Variants in AGTPBP1 observed in about 807,000 individuals in gnomAD.
AGTPBP1 encodes cytosolic carboxypeptidase 1.
In AGTPBP1, 70 loss-of-function variants were observed where a neutral mutation model predicts 143.9. The ratio of observed to expected loss-of-function variants is 0.49; its 90% CI spans 0.40 to 0.59. The LOEUF (loss-of-function observed/expected upper bound fraction) is 0.59, where lower values mean the gene tolerates loss of function less well. Ranked by LOEUF, AGTPBP1 falls within the 20% of genes least tolerant of loss-of-function variation. The pLI is 0.00. For synonymous variants in AGTPBP1, 463 were observed against 500.2 expected, an observed-to-expected ratio of 0.93 and a Z score of 0.99; for missense variants, 1,229 against 1,464.5, an observed-to-expected ratio of 0.84 and a Z score of 2.62.
the AGTPBP1 span, among the ~76,000 whole-genome samples, chr9:85,794,401 C>A: frequency 1.3e-5 from 2 of 152,102 alleles, no homozygotes; most frequent in African/African-American, 4.8e-5. Context: ...TGTGTCAATA[C>A]AATTTGTTGA....
chr9:85,570,326 G>A (rs1180657811), intron 25 of AGTPBP1, among the ~76,000 whole-genome samples: 2 of 152,170 alleles, frequency 1.3e-5, no homozygotes, highest in South Asian at 2.1e-4. Context: ...TTTGACCACG[G>A]TTAACTGAAA....
chr9:85,695,702 A>G (rs1359006834), intron 2 of AGTPBP1, among the ~76,000 whole-genome samples: 1 of 152,208 alleles, frequency 6.6e-6, no homozygotes, highest in African/African-American at 2.4e-5. Context: ...ATCTTGGGAG[A>G]AAATACATGC....
chr9:85,556,406 A>G (rs1009363987), intron 25 of AGTPBP1, among the ~76,000 whole-genome samples: 3 of 152,202 alleles, frequency 2.0e-5, no homozygotes, highest in African/African-American at 7.2e-5. Context: ...TTTTGAATTA[A>G]TCTCAAAGAA....
the AGTPBP1 span, among the ~76,000 whole-genome samples, chr9:85,778,034 A>C: frequency 6.6e-6 from 1 of 152,202 alleles, no homozygotes; most frequent in Non-Finnish European, 1.5e-5. Flanking sequence ...GATCATAGGG[A>C]ACTCCCCATG....
At chr9:85,691,145 G>A (rs1037673631) in intron 3 of AGTPBP1, among the ~76,000 whole-genome samples, 1 of 152,154 alleles carries the variant, frequency 6.6e-6, no homozygotes, top group African/African-American at 2.4e-5. Context: ...TTGTTCATTA[G>A]TTGCCTTAGT....
the AGTPBP1 span, among the ~76,000 whole-genome samples, chr9:85,791,876 TG>T: frequency 6.6e-6 from 1 of 151,562 alleles, no homozygotes; most frequent in Non-Finnish European, 1.5e-5. Context: ...ATAGAAATTG[TG>T]GAGCCATTCA....
chr9:85,557,298 G>T (rs1826412531), intron 25 of AGTPBP1, among the ~76,000 whole-genome samples: 1 of 152,110 alleles, frequency 6.6e-6, no homozygotes, highest in African/African-American at 2.4e-5. Flanking sequence ...GGATCCCGAG[G>T]TGCTCACATC....
intron 25 of AGTPBP1, among the ~76,000 whole-genome samples, chr9:85,559,101 TA>T (rs1157206323): frequency 1.3e-5 from 2 of 152,288 alleles, no homozygotes; most frequent in African/African-American, 4.8e-5. Flanking sequence ...ATAGATAAAA[TA>T]AAAATGACTT....
intron 25 of AGTPBP1, among the ~76,000 whole-genome samples, chr9:85,549,382 C>A (rs541765010): frequency 6.6e-6 from 1 of 152,080 alleles, no homozygotes; most frequent in Non-Finnish European, 1.5e-5. Context: ...CAGGGAAGCA[C>A]GCATCGTTCA....
intron 25 of AGTPBP1, among the ~76,000 whole-genome samples, chr9:85,569,928 G>A (rs920429645): frequency 2.0e-5 from 3 of 152,114 alleles, no homozygotes; most frequent in African/African-American, 7.2e-5. Flanking sequence ...CTGAACACTT[G>A]CTCCTCTGAT....
intron 13 of AGTPBP1, among the ~76,000 whole-genome samples, chr9:85,642,550 T>A (rs903660191): frequency 1.3e-5 from 2 of 151,816 alleles, no homozygotes; most frequent in African/African-American, 2.4e-5. Flanking sequence ...GCCAGGATGA[T>A]CTTGATCTCC....
At chr9:85,672,453 T>A (rs1433777894) in intron 7 of AGTPBP1, 97 bp downstream of exon 7, 1 of 1,353,964 alleles carries the variant, frequency 7.4e-7, no homozygotes, top group East Asian at 2.3e-5. Flanking sequence ...CTTTCCTTTT[T>A]CACAAATATC....
chr9:85,768,676 A>T, the AGTPBP1 span, among the ~76,000 whole-genome samples: 1 of 152,154 alleles, frequency 6.6e-6, no homozygotes, highest in Non-Finnish European at 1.5e-5. Context: ...TTATCAAACC[A>T]TCAAATTCCA....
rs752908959 is a variant in AGTPBP1, at chr9:85,669,513, A to T, written c.634T>A (p.Phe212Ile). ...VELMFKIIGPFSKKNSSLIKV... is the reference protein window; with the variant it reads ...VELMFKIIGPISKKNSSLIKV... The stretch of plus-strand genomic sequence containing the variant: ...ATAAGACTGGAATTCTTCTTACTAA[A>T]TGGTCCAATGATTTTAAACATCAGT... Residue 212 changes from phenylalanine (F) to isoleucine (I), a missense_variant, in exon 8 of 26, where the codon TTT (phenylalanine) becomes ATT (isoleucine). Phe to Ile is a conservative substitution (Grantham distance 21). This residue lies in a region of AGTPBP1 where 743 missense variants were observed against 812.2 expected (regional missense o/e 0.91). Transcript: ENST00000357081. 20 of 1,611,160 alleles carry T rather than the reference A, an allele frequency of 1.2e-5. No individual in the cohort carries two copies. The highest frequency in any genetic ancestry group is 1.6e-5 in the Non-Finnish European group (19 of 1,177,890).
At chr9:85,621,842 C>A (rs901323691) in intron 14 of AGTPBP1, among the ~76,000 whole-genome samples, 1 of 152,060 alleles carries the variant, frequency 6.6e-6, no homozygotes, top group African/African-American at 2.4e-5. Flanking sequence ...CCTGAGCATG[C>A]AAAATTCTCT....
At position 85,727,363 on chromosome 9, in the gene AGTPBP1, G is replaced by C. The variant is rs554437101; in HGVS notation, c.-34+14412C>G. On this transcript the variant is annotated intron_variant, in intron 1 of 25. Transcript: ENST00000357081. ...AGCAAACCCCACTTCACAACACAGT[G>C]TTTTCTTCACAGAGAGATGCTGGTG... 2.6e-5 allele frequency among the ~76,000 whole-genome samples: 4 copies of C among 152,166 alleles called. No homozygotes were observed. In the South Asian group the frequency reaches 8.3e-4, roughly 32 times the overall value.
chr9:85,749,863 A>C, the AGTPBP1 span, among the ~76,000 whole-genome samples: 34 of 148,514 alleles, frequency 2.3e-4, no homozygotes, highest in African/African-American at 6.6e-4. Context: ...TGGAAGAGGG[A>C]ATTAGAAGTA....
chr9:85,603,068 T>C (rs547852132), intron 17 of AGTPBP1, among the ~76,000 whole-genome samples: 1 of 152,282 alleles, frequency 6.6e-6, no homozygotes, highest in East Asian at 1.9e-4. Flanking sequence ...TACATAAACT[T>C]GAAAGGCAGT....
chr9:85,670,133 G>T (rs1296476457), intron 7 of AGTPBP1, among the ~76,000 whole-genome samples: 1 of 152,154 alleles, frequency 6.6e-6, no homozygotes, highest in African/African-American at 2.4e-5. Flanking sequence ...AGGTAAAGGG[G>T]TAGATGTGGC....
Sources: gnomAD v4.1 joint callset for allele counts (sites outside exome capture counted in the v4.1 genomes callset) on GRCh38, gnomAD v4.1.1 for gene constraint, gnomAD v4.1.1 regional missense constraint, MANE v1.5 for transcripts, NCBI Gene and HGNC (gene_info 2026-07-23, HGNC 2026-07-21) for gene names.